Variants in SMG6 observed in about 807,000 individuals in gnomAD.
The protein encoded by SMG6 is SMG6 nonsense mediated mRNA decay factor.
SMG6 carries 66 observed loss-of-function variants against 142.2 expected under a neutral mutation model. The ratio of observed to expected loss-of-function variants is 0.46; its 90% confidence interval spans 0.38 to 0.57. The LOEUF is 0.57. SMG6 is among the 20% of genes least tolerant of loss of function. The pLI, the probability that SMG6 is intolerant of heterozygous loss-of-function variation, is 0.00. For synonymous variants in SMG6, 779 were observed against 702.4 expected, an observed-to-expected ratio of 1.11 and a Z score of -1.72; for missense variants, 1,793 against 1,832.0, an observed-to-expected ratio of 0.98 and a Z score of 0.39.
intron 12 of SMG6, among the ~76,000 whole-genome samples, chr17:2,185,948 G>A (rs1330153646): frequency 6.6e-6 from 1 of 152,256 alleles, no homozygotes; most frequent in East Asian, 1.9e-4. Flanking sequence ...AGAGAAGGCT[G>A]GGCATGGTGG....
intron 13 of SMG6, among the ~76,000 whole-genome samples, chr17:2,124,145 G>C (rs1190797809): frequency 6.6e-6 from 1 of 152,192 alleles, no homozygotes; most frequent in Non-Finnish European, 1.5e-5. Context: ...GGGACAGTTG[G>C]GGCACTTCTA....
intron 9 of SMG6, among the ~76,000 whole-genome samples, chr17:2,242,239 G>A (rs940334921): frequency 3.9e-5 from 6 of 151,908 alleles, no homozygotes; most frequent in Admixed American, 2.0e-4. Context: ...TAGGCCGGGC[G>A]CGGTGGCTCA....
At chr17:2,091,587 G>A (rs1001977170) in intron 13 of SMG6, among the ~76,000 whole-genome samples, 4 of 150,228 alleles carry the variant, frequency 2.7e-5, no homozygotes, top group African/African-American at 9.8e-5. Flanking sequence ...AATTCAAACA[G>A]TATTTCACTC....
rs1438573472 is a variant in SMG6 at position 2,166,160 on chromosome 17, C to T, written c.3357+6498G>A. On this transcript the variant is annotated intron_variant, in intron 13 of 18. Coordinates refer to ENST00000263073, the MANE Select transcript of SMG6 (RefSeq NM_017575.5). ...TTGATAGGTGGAGGATGCAGTGAGCCGGGGGGTCACGCCACTGCACTCCAG... is the reference window on the plus strand; with the variant it reads ...TTGATAGGTGGAGGATGCAGTGAGCTGGGGGGTCACGCCACTGCACTCCAG... Among the ~76,000 whole-genome samples the T allele has an allele frequency of 4.0e-5, 6 of 151,100 alleles. No homozygotes were observed. The South Asian group carries it at 6.5e-4, about 16-fold the overall frequency.
Position 2,141,618 on chromosome 17 carries a change from T to C in SMG6, c.3357+31040A>G, listed in dbSNP as rs192622009. 4.6e-5 allele frequency among the ~76,000 whole-genome samples: 7 copies of C among 152,096 alleles called. No individual in the cohort carries two copies. The East Asian group carries it at 1.4e-3, about 29-fold the overall frequency. On this transcript the variant is annotated intron_variant, in intron 13 of 18. Transcript: ENST00000263073. ...ACCATACCCGCTAATTTTTAAAAAA[T>C]TTTTTTGCAGAGGCAGGGTCTTGCT...
chr17:2,065,794 CA>C, intron 16 of SMG6, 115 bp from the exon 17 acceptor site: 1 of 867,690 alleles, frequency 1.2e-6, no homozygotes, highest in Non-Finnish European at 1.8e-6. Flanking sequence ...ATCCTTCCCC[CA>C]CAGGAGTCTT....
Position 2,240,291 on chromosome 17 carries a change from G to A in SMG6, c.2724-3654C>T, listed in dbSNP as rs1195920686. 4 of 152,066 alleles carry A rather than the reference G, an allele frequency of 2.6e-5. No homozygotes were observed. In the East Asian group the frequency reaches 7.7e-4, roughly 29 times the overall value. The allele number at this position is 152,066 out of a possible 1,614,324, so 9.4% of individuals were successfully genotyped here. A position where few individuals can be genotyped will look rare whatever the true frequency, so the allele number is the denominator to read the frequency against. ...ACCTAGGCCCAGGACTGACTCAGAC[G>A]GTGACTAACCGAGCAGGACTCAGCC... On this transcript the variant is annotated intron_variant, in intron 9 of 18. Coordinates refer to ENST00000263073, the MANE Select transcript of SMG6 (RefSeq NM_017575.5).
intron 16 of SMG6, among the ~76,000 whole-genome samples, chr17:2,066,370 C>CTG (rs1404157583): frequency 3.6e-5 from 3 of 84,112 alleles, no homozygotes; most frequent in South Asian, 3.4e-4. Context: ...GTGTATATGT[C>CTG]TCTGTGTGTG....
intron 13 of SMG6, among the ~76,000 whole-genome samples, chr17:2,121,587 C>CTGTGTGTGTGTGTGTGTGTGTGTGTG (rs71150850): frequency 2.1e-5 from 3 of 139,772 alleles, no homozygotes; most frequent in African/African-American, 8.0e-5. Context: ...ACATGTCTGT[C>CTGTGTGTGTGTGTGTGTGTGTGTGTG]TGTGTGTGTG....
At chr17:2,168,177 G>T (rs2071398414) in intron 13 of SMG6, among the ~76,000 whole-genome samples, 1 of 151,670 alleles carries the variant, frequency 6.6e-6, no homozygotes. Flanking sequence ...CCTTTTGCAG[G>T]TTTTTTTTAA....
chr17:2,287,442 T>A (rs2074932438), intron 6 of SMG6, among the ~76,000 whole-genome samples: 1 of 152,180 alleles, frequency 6.6e-6, no homozygotes, highest in Admixed American at 6.5e-5. Flanking sequence ...TTGCATGCTG[T>A]TGGTTGGAAT....
chr17:2,172,785 GGC>G lies in SMG6; in HGVS notation c.3228_3229del (p.Pro1077ThrfsTer7). The G allele has an allele frequency of 1.9e-6, 3 of 1,614,104 alleles. No individual in the cohort carries two copies. Among genetic ancestry groups the G allele is most frequent in the Non-Finnish European group, 2.5e-6 (3 of 1,180,022 alleles). On this transcript the variant is annotated frameshift_variant, in exon 13 of 19. Coordinates refer to ENST00000263073, the MANE Select transcript of SMG6 (RefSeq NM_017575.5). LOFTEE classifies it high-confidence loss of function. ...GTCATCATCCGGGTCCTTGTACAGT[GGC>G]ACCTCAGACTGATTCACTGCAGTCA...
At chr17:2,228,988 G>C (rs2073394190) in intron 10 of SMG6, among the ~76,000 whole-genome samples, 1 of 152,044 alleles carries the variant, frequency 6.6e-6, no homozygotes, top group Non-Finnish European at 1.5e-5. Flanking sequence ...TCTCTCCTAA[G>C]AAAAGCATGT....
rs1443428019 is a variant in SMG6 at position 2,071,180 on chromosome 17, G to A, written c.3682-2249C>T. Among the ~76,000 whole-genome samples, 2 of 152,164 alleles carry A rather than the reference G, an allele frequency of 1.3e-5. No individual in the cohort carries two copies. Among genetic ancestry groups the A allele is most frequent in the Non-Finnish European group, 2.9e-5 (2 of 68,028 alleles). ...GCGCCTCTGCCTCTGCCTCTGCCCC[G>A]CAAGTCCACTACCATCTCAGTTCTC... is the stretch of plus-strand genomic sequence containing the variant. On this transcript the variant is annotated intron_variant, in intron 15 of 18. Coordinates refer to ENST00000263073, the MANE Select transcript of SMG6 (RefSeq NM_017575.5). This position sits in a 1 kb window ranked among gnomAD's most constrained non-coding sequence, Gnocchi z 5.6.
At chr17:2,093,337 T>C (rs1391518866) in intron 13 of SMG6, among the ~76,000 whole-genome samples, 4 of 151,970 alleles carry the variant, frequency 2.6e-5, no homozygotes, top group Admixed American at 1.3e-4. Flanking sequence ...GTAGGAGGAT[T>C]GCTTGAGCCG....
intron 10 of SMG6, chr17:2,235,621 A>G (rs547233113): frequency 1.3e-5 from 2 of 152,716 alleles, no homozygotes; most frequent in South Asian, 4.2e-4. Flanking sequence ...CCCTGAGACC[A>G]AACACTCTCT....
chr17:2,228,970 T>A (rs1024780277), intron 10 of SMG6, among the ~76,000 whole-genome samples: 47 of 152,182 alleles, frequency 3.1e-4, no homozygotes, highest in African/African-American at 1.1e-3. Flanking sequence ...CCACAAAAAG[T>A]AGCACAGTCT....
intron 6 of SMG6, among the ~76,000 whole-genome samples, chr17:2,289,966 G>C (rs1358054234): frequency 7.7e-6 from 1 of 130,178 alleles, no homozygotes; most frequent in African/African-American, 3.1e-5. Context: ...ATATATATAT[G>C]TAATTAAAAT....
At chr17:2,087,918 T>C in intron 13 of SMG6, 2 of 985,866 alleles carry the variant, frequency 2.0e-6, no homozygotes, top group Non-Finnish European at 2.4e-6. Context: ...CTGACCCCAC[T>C]ATGACCTCTG....
Sources: allele counts gnomAD v4.1 joint callset (sites outside exome capture counted in the v4.1 genomes callset), GRCh38; gene constraint gnomAD v4.1.1; non-coding constraint Gnocchi (gnomAD v3.1); transcripts MANE v1.5; gene names NCBI Gene and HGNC (gene_info 2026-07-23, HGNC 2026-07-21).